GALNTL6: variants seen among roughly 807,000 people sequenced by gnomAD.
GALNTL6 encodes polypeptide N-acetylgalactosaminyltransferase-like 6.
A neutral mutation model predicts 73.7 loss-of-function variants in GALNTL6; 46 were observed. That is an observed-to-expected ratio of 0.62 (90% confidence interval 0.49 to 0.80). GALNTL6 has a LOEUF of 0.80. Ranked by LOEUF, GALNTL6 falls within the 30% of genes least tolerant of loss-of-function variation. GALNTL6 has a pLI of 0.00. For synonymous variants in GALNTL6, 259 were observed against 263.7 expected (o/e 0.98, Z 0.17); for missense variants, 604 against 755.0 (o/e 0.80, Z 2.34).
intron 2 of GALNTL6, among the ~76,000 whole-genome samples, chr4:172,211,610 C>G (rs948430868): frequency 6.6e-6 from 1 of 152,146 alleles, no homozygotes; most frequent in African/African-American, 2.4e-5. Flanking sequence ...GGGGCCACAC[C>G]TTTATCAACT....
chr4:172,039,898 A>T (rs563859305), intron 2 of GALNTL6, among the ~76,000 whole-genome samples: 1 of 152,136 alleles, frequency 6.6e-6, no homozygotes. Context: ...GTTAATTTAT[A>T]TGCTTACTTT....
At chr4:172,364,261 A>C (rs536000691) in intron 5 of GALNTL6, among the ~76,000 whole-genome samples, 1 of 152,228 alleles carries the variant, frequency 6.6e-6, no homozygotes, top group African/African-American at 2.4e-5. Context: ...TGTCTCAACA[A>C]AAAATTAAAA....
chr4:172,990,607 T>C (rs1277656585), intron 10 of GALNTL6, among the ~76,000 whole-genome samples: 1 of 152,048 alleles, frequency 6.6e-6, no homozygotes, highest in Non-Finnish European at 1.5e-5. Flanking sequence ...TCCCAAGTTA[T>C]CAAAAACCTG....
At chr4:172,281,652 A>G (rs1020485224) in intron 3 of GALNTL6, among the ~76,000 whole-genome samples, 6 of 152,202 alleles carry the variant, frequency 3.9e-5, no homozygotes, top group Non-Finnish European at 8.8e-5. Flanking sequence ...AGGAGGTTGC[A>G]GTGAGCCAAG....
chr4:172,000,173 A>G (rs1553982817), intron 2 of GALNTL6, among the ~76,000 whole-genome samples: 1 of 152,186 alleles, frequency 6.6e-6, no homozygotes, highest in Non-Finnish European at 1.5e-5. Context: ...CCATAGAACA[A>G]TAAAAGAATT....
chr4:172,024,302 C>T (rs1043861718), intron 2 of GALNTL6, among the ~76,000 whole-genome samples: 49 of 151,852 alleles, frequency 3.2e-4, no homozygotes, highest in African/African-American at 1.1e-3. Flanking sequence ...CTTCATTCAT[C>T]TTTCTTATGC....
chr4:172,202,469 AT>A (rs1735984946), intron 2 of GALNTL6, among the ~76,000 whole-genome samples: 1 of 152,222 alleles, frequency 6.6e-6, no homozygotes, highest in Non-Finnish European at 1.5e-5. Flanking sequence ...ATTATTTCAT[AT>A]ACGATCAAAT....
chr4:172,023,553 CTT>C (rs1741466263), intron 2 of GALNTL6, among the ~76,000 whole-genome samples: 1 of 151,798 alleles, frequency 6.6e-6, no homozygotes, highest in Non-Finnish European at 1.5e-5. Context: ...TATTTCAACT[CTT>C]TCATGCTTTA....
chr4:172,638,608 T>G (rs1739809246), intron 5 of GALNTL6, among the ~76,000 whole-genome samples: 3 of 152,158 alleles, frequency 2.0e-5, no homozygotes, highest in Admixed American at 2.0e-4. Context: ...ACAGTTCCCA[T>G]GTCTTCTTCA....
chr4:172,842,955 C>T (rs767968217), intron 7 of GALNTL6, among the ~76,000 whole-genome samples: 2 of 152,130 alleles, frequency 1.3e-5, no homozygotes, highest in Admixed American at 6.5e-5. Context: ...TAACGACTTC[C>T]GCAAGGCTTG....
At chr4:172,883,791 C>T (rs918799704) in intron 8 of GALNTL6, among the ~76,000 whole-genome samples, 1 of 152,042 alleles carries the variant, frequency 6.6e-6, no homozygotes, top group African/African-American at 2.4e-5. Flanking sequence ...TCCCCACCCC[C>T]ACTCCCTTCT....
intron 2 of GALNTL6, among the ~76,000 whole-genome samples, chr4:172,085,447 G>A (rs987653375): frequency 7.2e-5 from 11 of 151,938 alleles, no homozygotes; most frequent in Non-Finnish European, 1.6e-4. Context: ...TAGCACTTTC[G>A]GAGGCCAAGG....
chr4:172,320,242 C>A (rs1288086486), intron 4 of GALNTL6, among the ~76,000 whole-genome samples: 1 of 152,010 alleles, frequency 6.6e-6, no homozygotes, highest in Non-Finnish European at 1.5e-5. Flanking sequence ...GTGGTGATTT[C>A]ACGTGAGTGA....
intron 4 of GALNTL6, among the ~76,000 whole-genome samples, chr4:172,328,782 T>C (rs978965489): frequency 6.6e-6 from 1 of 152,212 alleles, no homozygotes; most frequent in African/African-American, 2.4e-5. Flanking sequence ...GTGATTCTTA[T>C]TTTCCTTGGA....
chr4:172,320,424 T>C (rs1740718624), intron 4 of GALNTL6, among the ~76,000 whole-genome samples: 1 of 152,146 alleles, frequency 6.6e-6, no homozygotes, highest in South Asian at 2.1e-4. Flanking sequence ...GCACCAAATA[T>C]CTTCCCAAAG....
At chr4:172,915,310 C>T (rs564163505) in intron 8 of GALNTL6, among the ~76,000 whole-genome samples, 16 of 152,132 alleles carry the variant, frequency 1.1e-4, no homozygotes, top group African/African-American at 3.9e-4. Flanking sequence ...GATGTAAAAT[C>T]AACACCCTAA....
intron 3 of GALNTL6, among the ~76,000 whole-genome samples, chr4:172,267,264 A>G (rs766998202): frequency 3.9e-5 from 6 of 152,132 alleles, no homozygotes; most frequent in Non-Finnish European, 8.8e-5. Flanking sequence ...AGAGCAGGAA[A>G]GGATTCTTCT....
chr4:171,875,631 C>T (rs1736256733), intron 2 of GALNTL6, among the ~76,000 whole-genome samples: 1 of 152,012 alleles, frequency 6.6e-6, no homozygotes, highest in African/African-American at 2.4e-5. Flanking sequence ...TTCCATTTTG[C>T]CCCGTTTCCC....
chr4:172,893,345 C>CGGG (rs34438659), intron 8 of GALNTL6, among the ~76,000 whole-genome samples: 1 of 110,154 alleles, frequency 9.1e-6, no homozygotes, highest in Admixed American at 8.0e-5. Flanking sequence ...CTGAGAGTGG[C>CGGG]GGGGGGGGGG....
Sources: gnomAD v4.1 joint callset for allele counts (sites outside exome capture counted in the v4.1 genomes callset) on GRCh38, gnomAD v4.1.1 for gene constraint, MANE v1.5 for transcripts, NCBI Gene and HGNC (gene_info 2026-07-23, HGNC 2026-07-21) for gene names.